AK7: variants seen among roughly 807,000 people sequenced by gnomAD.
The protein encoded by AK7 is adenylate kinase 7.
A neutral mutation model predicts 96.6 loss-of-function variants in AK7; 78 were observed. That is an observed-to-expected ratio of 0.81 (90% CI 0.67 to 0.97). The LOEUF is 0.97. Among genes scored for constraint, AK7 ranks in the 50% least tolerant of loss-of-function variants. The pLI, the probability that AK7 is intolerant of heterozygous loss-of-function variation, is 0.00. For synonymous variants in AK7, 302 were observed against 317.2 expected, an observed-to-expected ratio of 0.95 and a Z score of 0.51; for missense variants, 855 against 887.9, an observed-to-expected ratio of 0.96 and a Z score of 0.47.
At chr14:96,445,750 C>T (rs964531802) in intron 7 of AK7, among the ~76,000 whole-genome samples, 2 of 151,908 alleles carry the variant, frequency 1.3e-5, no homozygotes, top group African/African-American at 4.8e-5. Flanking sequence ...AGCGTGCATT[C>T]GATTTATTTT....
intron 4 of AK7, among the ~76,000 whole-genome samples, chr14:96,412,692 A>G (rs4905488): frequency 0.085 from 12,945 of 151,478 alleles, 633 homozygotes; most frequent in East Asian, 0.12. Context: ...CAGCCTCCCA[A>G]GTAGCTGGGA....
chr14:96,484,453 A>G (rs1470663583), intron 16 of AK7, among the ~76,000 whole-genome samples: 1 of 151,984 alleles, frequency 6.6e-6, no homozygotes, highest in Non-Finnish European at 1.5e-5. Flanking sequence ...TCTGCTTACA[A>G]CTCCTCACAG....
At chr14:96,393,139 G>A (rs1776553823) in intron 1 of AK7, among the ~76,000 whole-genome samples, 2 of 152,120 alleles carry the variant, frequency 1.3e-5, no homozygotes, top group Non-Finnish European at 2.9e-5. Flanking sequence ...TTCAGAAAAA[G>A]GGCTCTGGGG....
At chr14:96,444,348 A>C (rs143567111) in intron 7 of AK7, among the ~76,000 whole-genome samples, 313 of 152,300 alleles carry the variant, frequency 2.1e-3, no homozygotes, top group Non-Finnish European at 3.7e-3. Context: ...CTTACTTGGC[A>C]TTAATCCTTA....
intron 12 of AK7, among the ~76,000 whole-genome samples, chr14:96,459,701 A>C (rs1346580959): frequency 6.6e-6 from 1 of 151,702 alleles, no homozygotes; most frequent in Admixed American, 6.6e-5. Context: ...AAGATGATGA[A>C]ACCCGTCTCT....
intron 17 of AK7, among the ~76,000 whole-genome samples, chr14:96,487,397 A>G (rs1895834554): frequency 6.8e-6 from 1 of 146,616 alleles, no homozygotes; most frequent in African/African-American, 2.5e-5. Context: ...AAAAAAAAAA[A>G]AAAGAAAAAA....
chr14:96,450,171 C>T (rs1252482278), intron 9 of AK7, among the ~76,000 whole-genome samples: 1 of 152,048 alleles, frequency 6.6e-6, no homozygotes, highest in Non-Finnish European at 1.5e-5. Context: ...AATCCCAGCA[C>T]TTTGGGAGGC....
At chr14:96,444,981 G>A (rs2140098377) in intron 7 of AK7, among the ~76,000 whole-genome samples, 1 of 152,302 alleles carries the variant, frequency 6.6e-6, no homozygotes, top group East Asian at 1.9e-4. Flanking sequence ...GCCTTCCAAA[G>A]TGCTGGGATT....
chr14:96,420,972 C>G (rs376941459), intron 5 of AK7, 40 bp downstream of exon 5: 12 of 1,347,360 alleles, frequency 8.9e-6, no homozygotes, highest in Non-Finnish European at 1.2e-5. Flanking sequence ...CATCTGAAGT[C>G]TTTAAACATC....
chr14:96,461,660 C>T lies in AK7; in HGVS notation c.1357+3448C>T, dbSNP rs147895352. Reference sequence around the variant, plus strand: ...AGGCTGTAGTGCAGTGGTGTGATCTCGGCTCACTGCAAGCTCTGCCTCCTG... The same window carrying T: ...AGGCTGTAGTGCAGTGGTGTGATCTTGGCTCACTGCAAGCTCTGCCTCCTG... On this transcript the variant is annotated intron_variant, in intron 12 of 17. Coordinates refer to ENST00000267584, the MANE Select transcript of AK7 (RefSeq NM_152327.5). Among the ~76,000 whole-genome samples, 373 of 151,236 alleles carry T rather than the reference C, an allele frequency of 2.5e-3. 8 individuals are homozygous for T. Among genetic ancestry groups the T allele is most frequent in the East Asian group, 9.2e-3 (47 of 5,096 alleles).
Position 96,456,463 on chromosome 14 carries a change from C to T in AK7, c.1215C>T (p.Ala405=). 6.2e-7 allele frequency: 1 copy of T among 1,613,442 alleles called. No individual in the cohort carries two copies. The highest frequency in any genetic ancestry group is 8.5e-7 in the Non-Finnish European group (1 of 1,179,632). ...AACTGAAGGATGTCATTTCTGAAGC[C>T]ATAGCAAAACTGGTAACACTTTAAA... is the stretch of plus-strand genomic sequence containing the variant. ...HIQLKDVISE[A]IAKLEAIVAP... The change falls in exon 11 of 18, where the codon GCC becomes GCT. Residue 405 remains alanine, a synonymous_variant. Transcript: ENST00000267584.
chr14:96,483,265 G>T (rs1433061172), intron 16 of AK7, 46 bp downstream of exon 16: 1 of 1,544,918 alleles, frequency 6.5e-7, no homozygotes, highest in Non-Finnish European at 8.8e-7. Flanking sequence ...GTGGAACAGG[G>T]GTGCGGTGCC....
At chr14:96,426,585 T>C (rs1286224380) in intron 5 of AK7, among the ~76,000 whole-genome samples, 9 of 152,228 alleles carry the variant, frequency 5.9e-5, no homozygotes, top group African/African-American at 2.4e-5. Flanking sequence ...GTGTTTCTTG[T>C]AGGACAGGTC....
rs905361917 is a variant in AK7, at chr14:96,414,098, C to T, written c.498+5157C>T. Among the ~76,000 whole-genome samples the T allele has an allele frequency of 3.3e-5, 5 of 152,322 alleles. No homozygotes were observed. In the East Asian group the frequency reaches 7.7e-4, roughly 24 times the overall value. On this transcript the variant is annotated intron_variant, in intron 4 of 17. Transcript: ENST00000267584. ...ACATGGAGGAAGTTTGTACCTTGCT[C>T]AGGTAAAATGTAAAACAAGTGTTGC...
At chr14:96,455,448 A>G (rs1242433774) in intron 10 of AK7, among the ~76,000 whole-genome samples, 2 of 152,072 alleles carry the variant, frequency 1.3e-5, no homozygotes, top group Non-Finnish European at 1.5e-5. Context: ...TTGCACCACT[A>G]CACTCCAGCC....
rs770205923 is a variant in AK7, at chr14:96,437,896, T to C, written c.671T>C (p.Met224Thr). 36 of 1,613,902 alleles carry C rather than the reference T, an allele frequency of 2.2e-5. No homozygotes were observed. Among genetic ancestry groups the C allele is most frequent in the Non-Finnish European group, 3.1e-5 (36 of 1,179,912 alleles). ...AGLQYGAEGG[M>T]LHTFFKMAWL... ...CTCCAGTATGGAGCGGAAGGAGGCA[T>C]GTTACACACATTTTTTAAGGTATGG... The change falls in exon 6 of 18, where the codon ATG becomes ACG. Residue 224 changes from methionine (M) to threonine (T), a missense_variant. Transcript: ENST00000267584.
chr14:96,449,544 G>A (rs542673886), intron 8 of AK7, among the ~76,000 whole-genome samples: 14 of 152,152 alleles, frequency 9.2e-5, no homozygotes, highest in Non-Finnish European at 1.6e-4. Context: ...AGCAATTCTC[G>A]TGTCTCAGCC....
At chr14:96,423,468 AT>A (rs1462875730) in intron 5 of AK7, among the ~76,000 whole-genome samples, 3 of 152,090 alleles carry the variant, frequency 2.0e-5, no homozygotes, top group Non-Finnish European at 4.4e-5. Flanking sequence ...ATACCAAAAT[AT>A]CCCCCAAAAT....
intron 9 of AK7, among the ~76,000 whole-genome samples, chr14:96,450,150 T>C (rs1400490064): frequency 1.3e-5 from 2 of 151,940 alleles, no homozygotes; most frequent in African/African-American, 4.8e-5. Flanking sequence ...GGCGCGGTGA[T>C]TCACGCCTAT....
Sources: gnomAD v4.1 joint callset for allele counts (sites outside exome capture counted in the v4.1 genomes callset) on GRCh38, gnomAD v4.1.1 for gene constraint, MANE v1.5 for transcripts, NCBI Gene and HGNC (gene_info 2026-07-23, HGNC 2026-07-21) for gene names.